The following COX19 variants were observed in gnomAD, a reference collection of about 807,000 sequenced individuals.
COX19 encodes the protein cytochrome c oxidase assembly factor COX19, also known as cytochrome c oxidase assembly protein COX19.
Under a neutral mutation model 6.8 loss-of-function variants are expected in COX19, and 8 were observed. The observed-to-expected ratio is 1.18, with a 90% confidence interval of 0.69 to 2.12. The LOEUF (loss-of-function observed/expected upper bound fraction) is 2.12. COX19 is among the 30% of genes most tolerant of loss of function. The pLI, the probability that COX19 is intolerant of heterozygous loss-of-function variation, is 0.00. For missense variants in COX19, 131 were observed against 104.6 expected, an observed-to-expected ratio of 1.25 and a Z score of -1.10; for synonymous variants, 51 against 38.0, an observed-to-expected ratio of 1.34 and a Z score of -1.26.
rs1193924983 is a variant in COX19 at position 967,863 on chromosome 7, C to CATGG, written c.*1511_*1514dup. 6.6e-6 allele frequency: 1 copy of CATGG among 152,306 alleles called. No homozygotes were observed. Among genetic ancestry groups the CATGG allele is most frequent in the Non-Finnish European group, 1.5e-5 (1 of 68,060 alleles). 9.4% of individuals were successfully genotyped at this position (152,306 alleles called of 1,614,324 possible). On this transcript the variant is annotated 3_prime_UTR_variant, in exon 3 of 3. Transcript: ENST00000344111. The stretch of plus-strand genomic sequence containing the variant: ...TATAGCCGCACTGCGTTGGCGAGCT[C>CATGG]ATGGCACGTGGCCACACCGCGTCAG...
At chr7:971,488 C>G (rs1847634220) in intron 2 of COX19, among the ~76,000 whole-genome samples, 2 of 151,424 alleles carry the variant, frequency 1.3e-5, no homozygotes, top group Non-Finnish European at 2.9e-5. Context: ...TTTTCATGAA[C>G]AAATAACCAA....
rs1847564523 is a variant in COX19 at position 967,052 on chromosome 7, A to C, written c.*2326T>G. The C allele has an allele frequency of 6.6e-6, 1 of 152,232 alleles. No individual in the cohort carries two copies. The highest frequency in any genetic ancestry group is 2.4e-5 in the African/African-American group (1 of 41,450). The allele number at this position is 152,232 out of a possible 1,614,324, so 9.4% of individuals were successfully genotyped here. ...TGCCAAGCGCTTCCTTTAAGGGAAAAGGTGGAAACTCCTGACCTATAAGAA... is the reference window on the plus strand; with the variant it reads ...TGCCAAGCGCTTCCTTTAAGGGAAACGGTGGAAACTCCTGACCTATAAGAA... On this transcript the variant is annotated 3_prime_UTR_variant, in exon 3 of 3. Coordinates refer to ENST00000344111, the MANE Select transcript of COX19 (RefSeq NM_001031617.3).
intron 2 of COX19, among the ~76,000 whole-genome samples, chr7:971,540 C>T (rs111850682): frequency 0.038 from 5,722 of 151,634 alleles, 150 homozygotes; most frequent in African/African-American, 0.067. Context: ...ATAGAAAGAG[C>T]AGAATTTTTA....
In COX19 at chr7:965,883, C is replaced by T. The variant is rs1257963328; in HGVS notation, c.*3495G>A. Among the ~76,000 whole-genome samples, 4 of 152,194 alleles carry T rather than the reference C, an allele frequency of 2.6e-5. No individual in the cohort carries two copies. The highest frequency in any genetic ancestry group is 7.2e-5 in the African/African-American group (3 of 41,450). On this transcript the variant is annotated 3_prime_UTR_variant, in exon 3 of 3. Transcript: ENST00000344111. ...TGAACTCCTGGCCTCAAGTGATCTG[C>T]CTGCCTCGGCCTCCCAAAGTGTTGG... is the stretch of plus-strand genomic sequence containing the variant.
intron 2 of COX19, among the ~76,000 whole-genome samples, chr7:971,300 G>C (rs893160856): frequency 2.0e-5 from 3 of 152,204 alleles, no homozygotes; most frequent in Admixed American, 2.0e-4. Context: ...AAGTCCTCAA[G>C]AGACAACTTT....
At chr7:969,524 C>T (rs1239847440) in intron 2 of COX19, 68 bp from the exon 3 acceptor site, 1 of 1,016,580 alleles carries the variant, frequency 9.8e-7, no homozygotes, top group African/African-American at 1.6e-5. Flanking sequence ...CTTGCAGGCC[C>T]CGGCTTCCCA....
At position 966,904 on chromosome 7, in the gene COX19, T is replaced by A. The variant is rs970477972; in HGVS notation, c.*2474A>T. ...GCCTGCCAGGCACTCAGCAGCCATCTCGGTGATCAGACCAGCCATCGCGGT... is the reference window on the plus strand; with the variant it reads ...GCCTGCCAGGCACTCAGCAGCCATCACGGTGATCAGACCAGCCATCGCGGT... On this transcript the variant is annotated 3_prime_UTR_variant, in exon 3 of 3. Coordinates refer to ENST00000344111, the MANE Select transcript of COX19 (RefSeq NM_001031617.3). 2 of 152,234 alleles carry A rather than the reference T, an allele frequency of 1.3e-5. No individual in the cohort carries two copies. Among genetic ancestry groups the A allele is most frequent in the Admixed American group, 6.6e-5 (1 of 15,266 alleles). The allele number at this position is 152,234 out of a possible 1,614,324, so 9.4% of individuals were successfully genotyped here.
chr7:971,849 C>T (rs763318856), intron 2 of COX19, among the ~76,000 whole-genome samples: 4 of 152,114 alleles, frequency 2.6e-5, no homozygotes, highest in Non-Finnish European at 4.4e-5. Context: ...CCAGCCCAGG[C>T]GACAGAGTGA....
intron 1 of COX19, chr7:975,226 G>T (rs867282593): frequency 4.6e-6 from 2 of 434,092 alleles, no homozygotes; most frequent in Middle Eastern, 5.9e-4. Context: ...TCGTCACGGG[G>T]GCCACGGTCC....
At chr7:974,423 G>T (rs1161240588) in intron 1 of COX19, among the ~76,000 whole-genome samples, 1 of 152,070 alleles carries the variant, frequency 6.6e-6, no homozygotes, top group African/African-American at 2.4e-5. Context: ...GAGTGAGACC[G>T]TGTCTCAAAA....
chr7:975,511 T>C lies in COX19; in HGVS notation c.-2A>G, dbSNP rs1204718146. The C allele has an allele frequency of 2.0e-5, 32 of 1,602,166 alleles. No homozygotes were observed. Among genetic ancestry groups the C allele is most frequent in the Non-Finnish European group, 2.6e-5 (30 of 1,175,856 alleles). On this transcript the variant is annotated 5_prime_UTR_variant, in exon 1 of 3. Transcript: ENST00000344111. ...CCCGAAATTCATGGCGGTCGACATG[T>C]TGGCGACTCCGGAGTCTGCGAGCGC...
In COX19 at chr7:975,544, G is replaced by A. The variant is rs1216048906; in HGVS notation, c.-35C>T. 3 of 1,567,208 alleles carry A rather than the reference G, an allele frequency of 1.9e-6. No individual in the cohort carries two copies. The highest frequency in any genetic ancestry group is 2.4e-5 in the East Asian group (1 of 41,300). Reference sequence around the variant, plus strand: ...TCCGGAGTCTGCGAGCGCCTTGCGAGCGTACGCAGGGCGGCCGGCGGAGCG... The same window carrying A: ...TCCGGAGTCTGCGAGCGCCTTGCGAACGTACGCAGGGCGGCCGGCGGAGCG... On this transcript the variant is annotated 5_prime_UTR_variant, in exon 1 of 3. Transcript: ENST00000344111.
rs1003447824 is a variant in COX19, at chr7:966,216, T to A, written c.*3162A>T. 3.3e-5 allele frequency: 5 copies of A among 150,422 alleles called. No individual in the cohort carries two copies. The highest frequency in any genetic ancestry group is 1.2e-4 in the African/African-American group (5 of 40,714). The allele number at this position is 150,422 out of a possible 1,614,324, so 9.3% of individuals were successfully genotyped here. A position where few individuals can be genotyped will look rare whatever the true frequency, so the allele number is the denominator to read the frequency against. On this transcript the variant is annotated 3_prime_UTR_variant, in exon 3 of 3. Coordinates refer to ENST00000344111, the MANE Select transcript of COX19 (RefSeq NM_001031617.3). ...TGTTGCTCAGGCTGGAGAGCAGTGG[T>A]ACAATCACAGCTCACTGCAGACTTA...
intron 2 of COX19, among the ~76,000 whole-genome samples, chr7:972,224 T>C (rs573576072): frequency 3.9e-5 from 6 of 152,204 alleles, no homozygotes; most frequent in Non-Finnish European, 8.8e-5. Flanking sequence ...ACAGATTCAG[T>C]GTGGCCCTTG....
At position 975,520 on chromosome 7, in the gene COX19, C is replaced by G; in HGVS notation, c.-11G>C. 6.3e-7 allele frequency: 1 copy of G among 1,598,682 alleles called. No individual in the cohort carries two copies. The highest frequency in any genetic ancestry group is 8.5e-7 in the Non-Finnish European group (1 of 1,174,066). On this transcript the variant is annotated 5_prime_UTR_variant, in exon 1 of 3. Coordinates refer to ENST00000344111, the MANE Select transcript of COX19 (RefSeq NM_001031617.3). ...CATGGCGGTCGACATGTTGGCGACT[C>G]CGGAGTCTGCGAGCGCCTTGCGAGC...
Position 969,452 on chromosome 7 carries a change from A to G in COX19, c.199T>C (p.Leu67=), listed in dbSNP as rs760745052. Residue 67 remains leucine, a synonymous_variant, in exon 3 of 3, where the codon TTG becomes CTG. Transcript: ENST00000344111. ...TTCTCCAATGGTTCTTGTAGCATCA[A>G]TTTTCTAAAAGAAAAAGAGAAAGCT... The part of the protein sequence containing the change: ...EYLECRMERK[L]MLQEPLEKLG... The G allele has an allele frequency of 1.2e-6, 2 of 1,603,286 alleles. No homozygotes were observed. The highest frequency in any genetic ancestry group is 2.2e-5 in the South Asian group (2 of 90,820).
In COX19 at chr7:969,380, A is replaced by T. The variant is rs770672052; in HGVS notation, c.271T>A (p.Ter91ArgextTer34). Residue 91 changes from the stop codon to arginine, a stop_lost, in exon 3 of 3, where the codon TGA becomes AGA. Transcript: ENST00000344111. ...LTSGKSEAKK[*>R] ...CCCAGGGGTCTTCTCATCAAAATTCATTTTTTTGCCTCTGATTTTCCACTA... is the reference window on the plus strand; with the variant it reads ...CCCAGGGGTCTTCTCATCAAAATTCTTTTTTTTGCCTCTGATTTTCCACTA... 1 of 1,599,404 alleles carries T rather than the reference A, an allele frequency of 6.3e-7. No individual in the cohort carries two copies. Among genetic ancestry groups the T allele is most frequent in the South Asian group, 1.1e-5 (1 of 90,784 alleles).
rs1019579978 is a variant in COX19 at position 965,497 on chromosome 7, C to A, written c.*3881G>T. Among the ~76,000 whole-genome samples, 1 of 152,174 alleles carries A rather than the reference C, an allele frequency of 6.6e-6. No individual in the cohort carries two copies. Among genetic ancestry groups the A allele is most frequent in the Admixed American group, 6.5e-5 (1 of 15,272 alleles). The stretch of plus-strand genomic sequence containing the variant: ...CCAGGTCGGTGCGGCCTGTGCGGCT[C>A]GCTCCCGGCGGTGGCTGCTGGGTTA... On this transcript the variant is annotated 3_prime_UTR_variant, in exon 3 of 3. Transcript: ENST00000344111.
rs960258640 is a variant in COX19 at position 968,783 on chromosome 7, T to C, written c.*595A>G. 2 of 152,236 alleles carry C rather than the reference T, an allele frequency of 1.3e-5. No homozygotes were observed. The highest frequency in any genetic ancestry group is 6.5e-5 in the Admixed American group (1 of 15,280). 9.4% of individuals were successfully genotyped at this position (152,236 alleles called of 1,614,324 possible). ...TACTGAAATTAAATACCCAACTTTATAAATACGGTCTGATACAAACCAGAA... is the reference window on the plus strand; with the variant it reads ...TACTGAAATTAAATACCCAACTTTACAAATACGGTCTGATACAAACCAGAA... On this transcript the variant is annotated 3_prime_UTR_variant, in exon 3 of 3. Transcript: ENST00000344111.
Sources: gnomAD v4.1 joint callset for allele counts (sites outside exome capture counted in the v4.1 genomes callset) on GRCh38, gnomAD v4.1.1 for gene constraint, MANE v1.5 for transcripts, NCBI Gene and HGNC (gene_info 2026-07-23, HGNC 2026-07-21) for gene names.